The following ACSL3 variants were observed in gnomAD, a reference collection of about 807,000 sequenced individuals.
ACSL3 encodes the protein acyl-CoA synthetase long chain family member 3.
Under a neutral mutation model 84.7 loss-of-function variants are expected in ACSL3, and 34 were observed. That is an observed-to-expected ratio of 0.40 (90% CI 0.31 to 0.53). ACSL3 has a LOEUF of 0.53. Ranked by LOEUF, ACSL3 falls within the 20% of genes least tolerant of loss-of-function variation. The pLI, the probability that ACSL3 is intolerant of heterozygous loss-of-function variation, is 0.48. For synonymous variants in ACSL3, 315 were observed against 299.4 expected (o/e 1.05, Z -0.54); for missense variants, 680 against 873.1 (o/e 0.78, Z 2.79).
intron 11 of ACSL3, among the ~76,000 whole-genome samples, chr2:222,926,364 T>TA (rs1390915127): frequency 6.6e-6 from 1 of 152,170 alleles, no homozygotes; most frequent in Non-Finnish European, 1.5e-5. Context: ...ATACCATTTT[T>TA]AAAAAATTGT....
intron 1 of ACSL3, among the ~76,000 whole-genome samples, chr2:222,872,552 A>G (rs16864201): frequency 0.014 from 2,073 of 152,306 alleles, 29 homozygotes; most frequent in African/African-American, 0.048. Flanking sequence ...GTACTTTGCT[A>G]GTGGACACCA....
At chr2:222,925,390 T>A (rs974873824) in intron 11 of ACSL3, among the ~76,000 whole-genome samples, 9 of 151,118 alleles carry the variant, frequency 6.0e-5, no homozygotes, top group African/African-American at 2.2e-4. Flanking sequence ...GAGGATTGCT[T>A]GAGGCCAGGA....
At position 222,939,317 on chromosome 2, in the gene ACSL3, C is replaced by T. The variant is rs573142294; in HGVS notation, c.2006-2180C>T. On this transcript the variant is annotated intron_variant, in intron 16 of 16. Coordinates refer to ENST00000357430, the MANE Select transcript of ACSL3 (RefSeq NM_004457.5). ...AGAGCCAGCCATCTTAAGCCTTTTCCGAGGCTGTGTCCTTTTTGAGTTTGT... is the reference window on the plus strand; with the variant it reads ...AGAGCCAGCCATCTTAAGCCTTTTCTGAGGCTGTGTCCTTTTTGAGTTTGT... Among the ~76,000 whole-genome samples, 173 of 152,206 alleles carry T rather than the reference C, an allele frequency of 1.1e-3. 1 individual carries two copies. Among genetic ancestry groups the T allele is most frequent in the African/African-American group, 3.8e-3 (157 of 41,542 alleles).
chr2:222,881,484 G>A (rs906897734), intron 1 of ACSL3, among the ~76,000 whole-genome samples: 1 of 152,200 alleles, frequency 6.6e-6, no homozygotes, highest in Non-Finnish European at 1.5e-5. Context: ...TTCTGAATAA[G>A]ATGTTCCTTT....
chr2:222,940,654 C>T (rs1265504131), intron 16 of ACSL3, among the ~76,000 whole-genome samples: 1 of 152,150 alleles, frequency 6.6e-6, no homozygotes, highest in Non-Finnish European at 1.5e-5. Context: ...TATTGTGTTA[C>T]AATTACCTAT....
At chr2:222,883,953 T>C (rs540678917) in intron 1 of ACSL3, among the ~76,000 whole-genome samples, 8 of 152,336 alleles carry the variant, frequency 5.3e-5, no homozygotes, top group South Asian at 4.1e-4. Flanking sequence ...CATTCTTGTT[T>C]CATAGATGGC....
chr2:222,933,645 TGCTGC>T, intron 15 of ACSL3: 1 of 163,806 alleles, frequency 6.1e-6, no homozygotes, highest in Admixed American at 6.3e-5. Context: ...GTGAGGAGTG[TGCTGC>T]TTACTTACTC....
In ACSL3 at chr2:222,917,228, T is replaced by C. The variant is rs900861290; in HGVS notation, c.556+732T>C. Among the ~76,000 whole-genome samples the C allele has an allele frequency of 3.3e-5, 5 of 152,348 alleles. No homozygotes were observed. The South Asian group carries it at 1.0e-3, about 32-fold the overall frequency. ...CCTTAGCCTCTCGAGTAGCTGGGAC[T>C]GCAGGCGCATGCCGCCATGCCCGGC... On this transcript the variant is annotated intron_variant, in intron 5 of 16. Transcript: ENST00000357430.
chr2:222,898,103 C>T (rs1696033477), intron 2 of ACSL3, among the ~76,000 whole-genome samples: 1 of 152,210 alleles, frequency 6.6e-6, no homozygotes, highest in Non-Finnish European at 1.5e-5. Context: ...GTTTAACTCT[C>T]AGGCTTCCTC....
intron 16 of ACSL3, among the ~76,000 whole-genome samples, chr2:222,936,006 A>G (rs143918820): frequency 8.3e-4 from 127 of 152,282 alleles, no homozygotes; most frequent in African/African-American, 3.0e-3. Context: ...TACATGTGGA[A>G]TCATACGGTA....
At chr2:222,935,162 C>T (rs1358269794) in intron 16 of ACSL3, among the ~76,000 whole-genome samples, 1 of 152,094 alleles carries the variant, frequency 6.6e-6, no homozygotes, top group Non-Finnish European at 1.5e-5. Flanking sequence ...GTTGTTGTGT[C>T]AAGCATAAAA....
At chr2:222,938,045 T>C (rs1044287046) in intron 16 of ACSL3, among the ~76,000 whole-genome samples, 1 of 152,162 alleles carries the variant, frequency 6.6e-6, no homozygotes, top group African/African-American at 2.4e-5. Context: ...AGCAGCTTAA[T>C]CTTCCGTCTC....
In ACSL3 at chr2:222,918,102, A is replaced by G. The variant is rs774856919; in HGVS notation, c.613A>G (p.Thr205Ala). The change falls in exon 6 of 17, where the codon ACA (threonine) becomes GCA (alanine). Residue 205 changes from threonine to alanine, a missense_variant. By Grantham distance (58) the Thr-to-Ala change is moderately conservative. Coordinates refer to ENST00000357430, the MANE Select transcript of ACSL3 (RefSeq NM_004457.5). ...GPAIVHALNETEVTNIITSKE... is the reference protein window; with the variant it reads ...GPAIVHALNEAEVTNIITSKE... Reference sequence around the variant, plus strand: ...AGCCATTGTTCATGCATTAAATGAAACAGAGGTGACCAACATCATTACTAG... The same window carrying G: ...AGCCATTGTTCATGCATTAAATGAAGCAGAGGTGACCAACATCATTACTAG... The G allele has an allele frequency of 3.1e-6, 5 of 1,612,784 alleles. No individual in the cohort carries two copies. The Admixed American group carries it at 6.7e-5, about 22-fold the overall frequency.
rs768057487 is a variant in ACSL3 at position 222,943,096 on chromosome 2, A to AAC, written c.*1443_*1444insCA. 2.0e-5 allele frequency: 2 copies of AAC among 100,742 alleles called. No homozygotes were observed. Among genetic ancestry groups the AAC allele is most frequent in the Non-Finnish European group, 3.3e-5 (2 of 60,988 alleles). 6.2% of individuals were successfully genotyped at this position (100,742 alleles called of 1,614,324 possible). A position where few individuals can be genotyped will look rare whatever the true frequency, so the allele number is the denominator to read the frequency against. ...CAAAAGGCAAAAATCAAAAAAAAAAAAAACAAAAACAAAAAAAAAGATGAA... is the reference window on the plus strand; with the variant it reads ...CAAAAGGCAAAAATCAAAAAAAAAAAACAAACAAAAACAAAAAAAAAGATGAA... On this transcript the variant is annotated 3_prime_UTR_variant, in exon 17 of 17. Transcript: ENST00000357430.
intron 16 of ACSL3, among the ~76,000 whole-genome samples, chr2:222,938,055 CAT>C (rs1473517186): frequency 1.3e-5 from 2 of 152,114 alleles, no homozygotes; most frequent in African/African-American, 2.4e-5. Context: ...TCTTCCGTCT[CAT>C]ATAAAAACTT....
intron 3 of ACSL3, among the ~76,000 whole-genome samples, chr2:222,906,486 T>C (rs1010351631): frequency 6.6e-6 from 1 of 152,220 alleles, no homozygotes; most frequent in Non-Finnish European, 1.5e-5. Context: ...GGGGTTGTGT[T>C]TGATGGCAGT....
intron 14 of ACSL3, among the ~76,000 whole-genome samples, chr2:222,931,895 G>A (rs1173590006): frequency 2.6e-5 from 4 of 151,976 alleles, no homozygotes; most frequent in Non-Finnish European, 4.4e-5. Flanking sequence ...CTTAGGACTC[G>A]GCTCAAGCAG....
At chr2:222,934,472 C>A in intron 15 of ACSL3, 58 bp from the exon 16 acceptor site, 1 of 1,341,814 alleles carries the variant, frequency 7.5e-7, no homozygotes, top group South Asian at 1.8e-5. Context: ...GTAATAATAA[C>A]TGCAGTCAAC....
rs202110472 is a variant in ACSL3 at position 222,924,416 on chromosome 2, GTTA to G, written c.1153-33_1153-31del. The G allele has an allele frequency of 1.2e-3, 1,880 of 1,512,196 alleles. 22 individuals carry two copies. The African/African-American group carries it at 0.024, about 19-fold the overall frequency. 93.7% of individuals were successfully genotyped at this position (1,512,196 alleles called of 1,614,324 possible). A position where few individuals can be genotyped will look rare whatever the true frequency, so the allele number is the denominator to read the frequency against. ...TGCTAAGTGAATATGTAAGGCAGCTGTTATTATTAACTATGTTAAACTCATTTT... is the reference window on the plus strand; with the variant it reads ...TGCTAAGTGAATATGTAAGGCAGCTGTTATTAACTATGTTAAACTCATTTT... On this transcript the variant is annotated intron_variant, in intron 10 of 16. Transcript: ENST00000357430.
Sources: gnomAD v4.1 joint callset for allele counts (sites outside exome capture counted in the v4.1 genomes callset) on GRCh38, gnomAD v4.1.1 for gene constraint, MANE v1.5 for transcripts, NCBI Gene and HGNC (gene_info 2026-07-23, HGNC 2026-07-21) for gene names.